Variants in CBLN2 observed in about 807,000 individuals in gnomAD.
The protein encoded by CBLN2 is cerebellin-2.
In CBLN2, 7 loss-of-function variants were observed where a neutral mutation model predicts 15.0. That is an observed-to-expected ratio of 0.47 (90% CI 0.27 to 0.88). CBLN2 has a LOEUF of 0.88. Among genes scored for constraint, CBLN2 ranks in the 40% least tolerant of loss-of-function variants. CBLN2 has a pLI of 0.14. For synonymous variants in CBLN2, 149 were observed against 135.2 expected (o/e 1.10, Z -0.71); for missense variants, 242 against 304.5 (o/e 0.79, Z 1.53).
At chr18:72,553,529 A>G (rs1172563340) in intron 1 of CBLN2, among the ~76,000 whole-genome samples, 1 of 152,200 alleles carries the variant, frequency 6.6e-6, no homozygotes, top group Non-Finnish European at 1.5e-5. Flanking sequence ...GTGTACATAT[A>G]TATTACAAAT....
chr18:72,636,677 A>T (rs2069815087), intron 1 of CBLN2, among the ~76,000 whole-genome samples: 1 of 152,212 alleles, frequency 6.6e-6, no homozygotes. Flanking sequence ...CTCTGGCTTT[A>T]TATTTAGATT....
At chr18:72,613,815 G>A (rs948293617) in intron 1 of CBLN2, among the ~76,000 whole-genome samples, 8 of 152,144 alleles carry the variant, frequency 5.3e-5, no homozygotes, top group African/African-American at 1.7e-4. Flanking sequence ...TTCCATGCTT[G>A]TTGACTCAGG....
At chr18:72,590,182 G>A (rs2069470807) in intron 1 of CBLN2, among the ~76,000 whole-genome samples, 1 of 152,050 alleles carries the variant, frequency 6.6e-6, no homozygotes, top group Admixed American at 6.6e-5. Context: ...GGAGAATGGT[G>A]TGAACCCGGG....
At chr18:72,547,974 C>G (rs531071309), upstream of CBLN2, among the ~76,000 whole-genome samples, 1 of 152,174 alleles carries the variant, frequency 6.6e-6, no homozygotes, top group African/African-American at 2.4e-5. Flanking sequence ...AGAAGACATA[C>G]CTACATCCTC....
chr18:72,607,509 C>T (rs974757356), intron 1 of CBLN2, among the ~76,000 whole-genome samples: 4 of 152,188 alleles, frequency 2.6e-5, no homozygotes, highest in African/African-American at 9.7e-5. Context: ...AACACAAAGT[C>T]TAAAAGCTTT....
chr18:72,594,496 C>T (rs2069500718), intron 1 of CBLN2, among the ~76,000 whole-genome samples: 1 of 148,352 alleles, frequency 6.7e-6, no homozygotes, highest in South Asian at 2.2e-4. Context: ...GTTATACTGT[C>T]CTTGCAAAAT....
chr18:72,617,108 G>A (rs989291817), intron 1 of CBLN2, among the ~76,000 whole-genome samples: 5 of 152,146 alleles, frequency 3.3e-5, no homozygotes, highest in East Asian at 3.9e-4. Context: ...TTAAAAACAC[G>A]TTCTTACAGA....
chr18:72,567,115 G>A (rs777837797), intron 1 of CBLN2, among the ~76,000 whole-genome samples: 14 of 152,106 alleles, frequency 9.2e-5, no homozygotes, highest in Non-Finnish European at 1.9e-4. Flanking sequence ...GAGGCACCGC[G>A]CCTGGCCAAG....
intron 1 of CBLN2, among the ~76,000 whole-genome samples, chr18:72,599,210 A>T (rs540100457): frequency 6.6e-6 from 1 of 152,332 alleles, no homozygotes; most frequent in East Asian, 1.9e-4. Flanking sequence ...GTGAAATTCC[A>T]TGTCATTATT....
At chr18:72,585,782 CA>C (rs1394692765) in intron 1 of CBLN2, among the ~76,000 whole-genome samples, 19 of 152,336 alleles carry the variant, frequency 1.2e-4, no homozygotes, top group African/African-American at 4.1e-4. Context: ...CATGCCAAGC[CA>C]CCCTCAGTAC....
chr18:72,613,398 G>A (rs1312544556), intron 1 of CBLN2, among the ~76,000 whole-genome samples: 2 of 152,140 alleles, frequency 1.3e-5, no homozygotes, highest in Admixed American at 6.5e-5. Context: ...TCTGTCTCAA[G>A]AGTGCCTTTC....
intron 1 of CBLN2, chr18:72,618,383 AC>A: frequency 1.9e-6 from 1 of 537,586 alleles, no homozygotes; most frequent in South Asian, 1.8e-5. Context: ...AATGTGGAAT[AC>A]TCACAGACTA....
At chr18:72,621,098 C>T (rs1240901339) in intron 1 of CBLN2, among the ~76,000 whole-genome samples, 1 of 152,132 alleles carries the variant, frequency 6.6e-6, no homozygotes, top group Non-Finnish European at 1.5e-5. Context: ...CCTTTCCTTT[C>T]ATATGTTTCT....
chr18:72,553,698 G>A (rs1227235746), intron 1 of CBLN2, among the ~76,000 whole-genome samples: 5 of 152,118 alleles, frequency 3.3e-5, no homozygotes, highest in East Asian at 1.9e-4. Flanking sequence ...CAATCTAACC[G>A]TAGGAAATTT....
chr18:72,546,306 G>T (rs988782920), upstream of CBLN2, among the ~76,000 whole-genome samples: 2 of 151,858 alleles, frequency 1.3e-5, no homozygotes, highest in Admixed American at 6.6e-5. Flanking sequence ...GCGTGGTGGC[G>T]GACGCCTGTA....
intron 1 of CBLN2, among the ~76,000 whole-genome samples, chr18:72,636,844 A>T (rs902410448): frequency 1.3e-5 from 2 of 152,174 alleles, no homozygotes; most frequent in Non-Finnish European, 2.9e-5. Flanking sequence ...TGAAAAATTC[A>T]TGACTTGAAA....
At position 72,589,996 on chromosome 18, in the gene CBLN2, G is replaced by A. The variant is rs111573793; in HGVS notation, c.15+48329C>T. 5.2e-3 allele frequency among the ~76,000 whole-genome samples: 781 copies of A among 151,642 alleles called. 8 individuals are homozygous for A. The highest frequency in any genetic ancestry group is 0.017 in the African/African-American group (683 of 41,348). ...AAAAATACAAAAATTAGTCAGGCAC[G>A]GTGGCTCTCGCCTGTAATCCCAGCA... On this transcript the variant is annotated intron_variant, in intron 1 of 2. Coordinates refer to the CBLN2 transcript ENST00000581073.
rs17086177 is a variant in CBLN2 at position 72,567,518 on chromosome 18, G to A, written c.16-28746C>T. ...CATGTCCATACACATACTCAAGCACGTTAGCTGATACCCTCACACAAACGC... is the reference window on the plus strand; with the variant it reads ...CATGTCCATACACATACTCAAGCACATTAGCTGATACCCTCACACAAACGC... On this transcript the variant is annotated intron_variant, in intron 1 of 2. Coordinates refer to the CBLN2 transcript ENST00000581073. 2.7e-3 allele frequency among the ~76,000 whole-genome samples: 411 copies of A among 152,268 alleles called. 6 individuals carry two copies. The East Asian group carries it at 0.039, about 14-fold the overall frequency.
chr18:72,590,259 C>T (rs146854802), intron 1 of CBLN2, among the ~76,000 whole-genome samples: 27 of 150,840 alleles, frequency 1.8e-4, no homozygotes, highest in African/African-American at 5.4e-4. Flanking sequence ...AGCGAGACTC[C>T]GTCTCAAAAA....
Sources: gnomAD v4.1 joint callset for allele counts (sites outside exome capture counted in the v4.1 genomes callset) on GRCh38, gnomAD v4.1.1 for gene constraint, MANE v1.5 for transcripts, NCBI Gene and HGNC (gene_info 2026-07-23, HGNC 2026-07-21) for gene names.